BLTP1: variants seen among roughly 807,000 people sequenced by gnomAD.
BLTP1 encodes the protein bridge-like lipid transfer protein family member 1.
chr4:122,155,543 C>G, the BLTP1 span, among the ~76,000 whole-genome samples: 1 of 152,056 alleles, frequency 6.6e-6, no homozygotes, highest in African/African-American at 2.4e-5. Flanking sequence ...AGGCTGGTCT[C>G]GAACTCCTAA....
the BLTP1 span, chr4:122,229,261 G>A: frequency 2.0e-5 from 31 of 1,567,324 alleles, no homozygotes; most frequent in African/African-American, 2.8e-5. Context: ...TGCTTGGCTG[G>A]TGTAGTGCTT....
At chr4:122,215,837 C>CCCG in the BLTP1 span, among the ~76,000 whole-genome samples, 4,277 of 150,800 alleles carry the variant, frequency 0.028, 137 homozygotes, top group African/African-American at 0.082. Context: ...ATCCCTCACC[C>CCCG]CCCCCATCCT....
the BLTP1 span, among the ~76,000 whole-genome samples, chr4:122,213,618 G>A: frequency 6.6e-6 from 1 of 151,896 alleles, no homozygotes; most frequent in African/African-American, 2.4e-5. Context: ...CACTATATTT[G>A]TTTGGCTGTA....
chr4:122,187,375 T>C, the BLTP1 span: 2 of 1,600,304 alleles, frequency 1.2e-6, no homozygotes, highest in African/African-American at 1.3e-5. Flanking sequence ...AAGTGAACTA[T>C]GTCCTCAGGT....
chr4:122,184,647 A>G, the BLTP1 span: 1 of 981,338 alleles, frequency 1.0e-6, no homozygotes, highest in Non-Finnish European at 1.2e-6. Flanking sequence ...CTCAAAAAAA[A>G]ACCAAAAAAC....
chr4:122,311,758 C>T, the BLTP1 span, among the ~76,000 whole-genome samples: 13 of 152,160 alleles, frequency 8.5e-5, no homozygotes, highest in African/African-American at 3.1e-4. Flanking sequence ...ACAAAATAAA[C>T]CATCAGAAGT....
chr4:122,210,023 G>T, the BLTP1 span: 1 of 1,457,738 alleles, frequency 6.9e-7, no homozygotes, highest in South Asian at 1.3e-5. Flanking sequence ...ATCTATTCTT[G>T]TGACATAGTA....
At chr4:122,201,463 A>G in the BLTP1 span, among the ~76,000 whole-genome samples, 10 of 152,196 alleles carry the variant, frequency 6.6e-5, no homozygotes, top group Admixed American at 2.0e-4. Flanking sequence ...GCATGGCTTC[A>G]TTATTTTGTT....
At chr4:122,356,537 TG>T in the BLTP1 span, 1 of 1,350,034 alleles carries the variant, frequency 7.4e-7, no homozygotes, top group Non-Finnish European at 1.0e-6. Flanking sequence ...GCATTTCATG[TG>T]GATGCATTTA....
chr4:122,308,904 A>G, the BLTP1 span, among the ~76,000 whole-genome samples: 1 of 152,058 alleles, frequency 6.6e-6, no homozygotes, highest in Non-Finnish European at 1.5e-5. Flanking sequence ...TGGCATTGGT[A>G]TGTTTGTGTT....
the BLTP1 span, chr4:122,349,013 C>T: frequency 3.0e-6 from 2 of 671,080 alleles, no homozygotes; most frequent in South Asian, 3.1e-5. The surrounding 1 kb of genome is among the most constrained non-coding windows in gnomAD (Gnocchi z 4.5). Flanking sequence ...AAATATTTAC[C>T]ACACAGTTTT....
At chr4:122,290,510 A>G in the BLTP1 span, among the ~76,000 whole-genome samples, 930 of 151,854 alleles carry the variant, frequency 6.1e-3, 9 homozygotes, top group East Asian at 0.044. Flanking sequence ...AATATAAGCC[A>G]GGCATGGTGG....
the BLTP1 span, chr4:122,350,552 G>C: frequency 5.3e-6 from 1 of 189,612 alleles, no homozygotes; most frequent in Non-Finnish European, 9.8e-6. Flanking sequence ...TAATGGGAGA[G>C]AAAGACCATA....
At chr4:122,163,645 A>G in the BLTP1 span, among the ~76,000 whole-genome samples, 2 of 152,192 alleles carry the variant, frequency 1.3e-5, no homozygotes, top group East Asian at 1.9e-4. Context: ...CAACTTATCA[A>G]TTTACACACT....
chr4:122,248,307 A>G, the BLTP1 span, among the ~76,000 whole-genome samples: 1 of 152,088 alleles, frequency 6.6e-6, no homozygotes, highest in Non-Finnish European at 1.5e-5. Flanking sequence ...TATACAGACC[A>G]TAAGCAGAAC....
the BLTP1 span, chr4:122,336,265 A>T: frequency 1.2e-6 from 2 of 1,612,734 alleles, no homozygotes; most frequent in Non-Finnish European, 1.7e-6. Flanking sequence ...CATTGCCAGA[A>T]GAAATGGTTA....
At chr4:122,229,027 T>C in the BLTP1 span, 2 of 1,051,836 alleles carry the variant, frequency 1.9e-6, no homozygotes, top group Non-Finnish European at 2.6e-6. Context: ...CATCAATAAC[T>C]AGATTTTTTG....
the BLTP1 span, among the ~76,000 whole-genome samples, chr4:122,178,442 G>T: frequency 6.6e-6 from 1 of 152,178 alleles, no homozygotes; most frequent in African/African-American, 2.4e-5. Flanking sequence ...AACAAACGGT[G>T]ACTGTATAAA....
the BLTP1 span, chr4:122,170,191 A>G: frequency 6.0e-5 from 20 of 332,608 alleles, no homozygotes; most frequent in Admixed American, 1.3e-4. Context: ...CTGTAATCCC[A>G]GCTACGAGGT....
Sources: gnomAD v4.1 joint callset for allele counts (sites outside exome capture counted in the v4.1 genomes callset) on GRCh38, gnomAD v4.1.1 for gene constraint, Gnocchi (gnomAD v3.1) non-coding constraint, MANE v1.5 for transcripts, NCBI Gene and HGNC (gene_info 2026-07-23, HGNC 2026-07-21) for gene names.